LRIF1: variants seen among roughly 807,000 people sequenced by gnomAD.
LRIF1 encodes the protein ligand dependent nuclear receptor interacting factor 1, also known as ligand-dependent nuclear receptor-interacting factor 1.
A neutral mutation model predicts 52.7 loss-of-function variants in LRIF1; 32 were observed. The observed-to-expected ratio is 0.61, with a 90% CI of 0.46 to 0.82. The LOEUF (loss-of-function observed/expected upper bound fraction) is 0.82. Ranked by LOEUF, LRIF1 falls within the 40% of genes least tolerant of loss-of-function variation. The pLI, the probability that LRIF1 is intolerant of heterozygous loss-of-function variation, is 0.00. For synonymous variants in LRIF1, 323 were observed against 317.4 expected (o/e 1.02, Z -0.19); for missense variants, 887 against 892.0 (o/e 0.99, Z 0.07).
In LRIF1 at chr1:110,951,975, A is replaced by C. The variant is rs781199116; in HGVS notation, c.909T>G (p.Ser303=). 1 of 1,614,184 alleles carries C rather than the reference A, an allele frequency of 6.2e-7. No homozygotes were observed. Among genetic ancestry groups the C allele is most frequent in the Non-Finnish European group, 8.5e-7 (1 of 1,180,018 alleles). The change falls in exon 2 of 4, where the codon TCT becomes TCG. Residue 303 remains serine, a synonymous_variant. Coordinates refer to ENST00000369763, the MANE Select transcript of LRIF1 (RefSeq NM_018372.4). ...TATTTGAAGACTTAACAGGAACAAG[A>C]GATGGCGTAAAAGGCTGTAGATTAT... ...FQDNLQPFTP[S]LVPVKSSNNV...
At chr1:110,929,332 A>T in the LRIF1 span, among the ~76,000 whole-genome samples, 2 of 152,224 alleles carry the variant, frequency 1.3e-5, no homozygotes, top group African/African-American at 2.4e-5. Context: ...TCTTTGAGGA[A>T]TCACCATACT....
At position 110,950,152 on chromosome 1, in the gene LRIF1, C is replaced by A. The variant is rs549951601; in HGVS notation, c.1597-29G>T. 1.1e-5 allele frequency: 18 copies of A among 1,577,350 alleles called. No individual in the cohort carries two copies. The African/African-American group carries it at 2.0e-4, about 18-fold the overall frequency. ...GAATTAGGAAAAGAAAACACACAAA[C>A]AATACTGCTAATTATTCAAGTTACT... On this transcript the variant is annotated intron_variant, in intron 2 of 3. Transcript: ENST00000369763.
the LRIF1 span, among the ~76,000 whole-genome samples, chr1:110,907,553 G>GT: frequency 6.6e-6 from 1 of 152,040 alleles, no homozygotes; most frequent in Non-Finnish European, 1.5e-5. Context: ...CCAAGATGGT[G>GT]AAACCCCCTC....
the LRIF1 span, among the ~76,000 whole-genome samples, chr1:110,901,606 G>C: frequency 1.3e-5 from 2 of 151,302 alleles, no homozygotes; most frequent in Non-Finnish European, 2.9e-5. Context: ...CTCCTGAGTA[G>C]CTGGGATTAC....
chr1:110,947,920 T>C lies in LRIF1; in HGVS notation c.*39A>G, dbSNP rs144995101. On this transcript the variant is annotated 3_prime_UTR_variant, in exon 4 of 4. Coordinates refer to ENST00000369763, the MANE Select transcript of LRIF1 (RefSeq NM_018372.4). ...AACTTATTAATGCTGAAGTATATTT[T>C]AAAAAACAGCTATTTCACTGAAGTC... is the stretch of plus-strand genomic sequence containing the variant. 3.3e-6 allele frequency: 5 copies of C among 1,534,602 alleles called. No individual in the cohort carries two copies. The highest frequency in any genetic ancestry group is 4.4e-6 in the Non-Finnish European group (5 of 1,145,884).
chr1:110,954,819 A>T (rs1658630489), intron 1 of LRIF1, among the ~76,000 whole-genome samples: 1 of 152,218 alleles, frequency 6.6e-6, no homozygotes, highest in African/African-American at 2.4e-5. Context: ...AAATCAAAAG[A>T]GTAACAGTAG....
the LRIF1 span, among the ~76,000 whole-genome samples, chr1:110,902,920 C>T: frequency 3.9e-4 from 59 of 152,202 alleles, no homozygotes; most frequent in African/African-American, 1.4e-3. Flanking sequence ...TAATGCCACC[C>T]CTGGCAGCAG....
Position 110,951,340 on chromosome 1 carries a change from T to C in LRIF1, c.1544A>G (p.Asp515Gly), listed in dbSNP as rs1302408833. The change falls in exon 2 of 4, where the codon GAT becomes GGT. Residue 515 changes from aspartate (D) to glycine (G), a missense_variant. By Grantham distance (94) the Asp-to-Gly change is moderately conservative (BLOSUM62 -1). Transcript: ENST00000369763. ...CTGTTGTGAAGTAACAGTTGTTGCA[T>C]CAACAGAGGAACTTATTTTCTCTAT... ...QSIEKISSSV[D>G]ATTVTSQQCV... 6.2e-7 allele frequency: 1 copy of C among 1,614,132 alleles called. No homozygotes were observed. Among genetic ancestry groups the C allele is most frequent in the South Asian group, 1.1e-5 (1 of 91,080 alleles).
At chr1:110,883,895 T>C in the LRIF1 span, among the ~76,000 whole-genome samples, 1 of 152,016 alleles carries the variant, frequency 6.6e-6, no homozygotes, top group African/African-American at 2.4e-5. Flanking sequence ...AATCCTAATA[T>C]TGATAATCTT....
At chr1:110,896,365 G>A in the LRIF1 span, among the ~76,000 whole-genome samples, 2 of 152,164 alleles carry the variant, frequency 1.3e-5, no homozygotes, top group African/African-American at 2.4e-5. Flanking sequence ...GGGTCCAGGG[G>A]TGGTCAGCCT....
chr1:110,885,964 C>A, the LRIF1 span, among the ~76,000 whole-genome samples: 11 of 152,222 alleles, frequency 7.2e-5, no homozygotes, highest in Non-Finnish European at 1.5e-4. Flanking sequence ...CTCTTTGTTC[C>A]TTTGTGTAAA....
At chr1:110,884,379 T>C in the LRIF1 span, among the ~76,000 whole-genome samples, 1 of 152,122 alleles carries the variant, frequency 6.6e-6, no homozygotes, top group South Asian at 2.1e-4. Flanking sequence ...ACTTGATTTA[T>C]GGTCCAGAAT....
chr1:110,898,185 G>C, the LRIF1 span, among the ~76,000 whole-genome samples: 1 of 151,966 alleles, frequency 6.6e-6, no homozygotes. Context: ...AGACCATCCT[G>C]GCTAACATGG....
the LRIF1 span, among the ~76,000 whole-genome samples, chr1:110,933,439 G>GA: frequency 7.9e-5 from 12 of 151,916 alleles, no homozygotes; most frequent in South Asian, 1.7e-3. Flanking sequence ...TGAAGACATA[G>GA]AAAAAAAAGC....
chr1:110,946,647 G>C (rs964606049), downstream of LRIF1, among the ~76,000 whole-genome samples: 7 of 129,028 alleles, frequency 5.4e-5, no homozygotes, highest in African/African-American at 1.7e-4. Context: ...CCAGAGATTT[G>C]ATCCTTTTTT....
At chr1:110,962,100 T>C (rs941518450) in intron 1 of LRIF1, among the ~76,000 whole-genome samples, 148 of 101,484 alleles carry the variant, frequency 1.5e-3, no homozygotes, top group South Asian at 2.6e-3. Flanking sequence ...ACACACAAAG[T>C]AAAGTTGTTT....
downstream of LRIF1, among the ~76,000 whole-genome samples, chr1:110,946,900 G>A (rs181267669): frequency 2.0e-5 from 3 of 151,958 alleles, no homozygotes; most frequent in East Asian, 1.9e-4. Flanking sequence ...CAGGTGATCC[G>A]CCCGCCTCGG....
chr1:110,948,011 C>G lies in LRIF1; in HGVS notation c.2258G>C (p.Arg753Thr), dbSNP rs764944479. The G allele has an allele frequency of 6.2e-7, 1 of 1,607,562 alleles. No individual in the cohort carries two copies. Among genetic ancestry groups the G allele is most frequent in the South Asian group, 1.1e-5 (1 of 89,376 alleles). Residue 753 changes from arginine to threonine, a missense_variant, in exon 4 of 4, where the codon AGA becomes ACA. By Grantham distance (71) the Arg-to-Thr change is moderately conservative. Transcript: ENST00000369763. ...TTCTTCAAGAGCTGCTTCTTTCTCT[C>G]TCAGCACCTGCTTAAGTCTTCTTAT... is the stretch of plus-strand genomic sequence containing the variant. ...EKIRRLKQVL[R>T]EKEAALEEMR... is the part of the protein sequence containing the mutation.
chr1:110,885,357 G>T, the LRIF1 span, among the ~76,000 whole-genome samples: 2 of 151,708 alleles, frequency 1.3e-5, no homozygotes, highest in Non-Finnish European at 2.9e-5. Flanking sequence ...GAGACCACGG[G>T]GAAACCCCGT....
Sources: gnomAD v4.1 joint callset for allele counts (sites outside exome capture counted in the v4.1 genomes callset) on GRCh38, gnomAD v4.1.1 for gene constraint, MANE v1.5 for transcripts, NCBI Gene and HGNC (gene_info 2026-07-23, HGNC 2026-07-21) for gene names.